CDC27: variants seen among roughly 807,000 people sequenced by gnomAD.
CDC27 encodes the protein cell division cycle 27.
In CDC27, 27 loss-of-function variants were observed where a neutral mutation model predicts 109.7. The observed-to-expected ratio is 0.25, with a 90% CI of 0.18 to 0.34. The LOEUF is 0.34. Ranked by LOEUF, CDC27 falls within the 10% of genes least tolerant of loss-of-function variation. The probability of loss-of-function intolerance (pLI) is 1.00; values close to 1 mark genes in which losing one functional copy is unlikely to be tolerated. For synonymous variants in CDC27, 266 were observed against 333.9 expected, an observed-to-expected ratio of 0.80 and a Z score of 2.22; for missense variants, 579 against 960.2, an observed-to-expected ratio of 0.60 and a Z score of 5.25.
rs576090349 is a variant in CDC27, at chr17:47,145,330, G to C, written c.1071-1348C>G. The stretch of plus-strand genomic sequence containing the variant: ...CCAGAATTTGCAAGGCAGAGCACCA[G>C]AGAGAAGAGAGCTACAAAGAGGAGA... On this transcript the variant is annotated intron_variant, in intron 9 of 18. Coordinates refer to ENST00000066544, the MANE Select transcript of CDC27 (RefSeq NM_001256.6). Among the ~76,000 whole-genome samples the C allele has an allele frequency of 2.0e-5, 3 of 152,318 alleles. No individual in the cohort carries two copies. The South Asian group carries it at 6.2e-4, about 32-fold the overall frequency.
intron 4 of CDC27, among the ~76,000 whole-genome samples, chr17:47,166,824 G>T (rs1036917820): frequency 6.6e-6 from 1 of 151,936 alleles, no homozygotes; most frequent in Non-Finnish European, 1.5e-5. Flanking sequence ...AAAATCTCCT[G>T]TGAGACTTCC....
rs545253487 is a variant in CDC27, at chr17:47,168,004, G to A, written c.377+1913C>T. Among the ~76,000 whole-genome samples the A allele has an allele frequency of 6.6e-5, 10 of 152,308 alleles. No homozygotes were observed. The East Asian group carries it at 7.7e-4, about 12-fold the overall frequency. ...GATACAGATGAAGAGTGCATAGGGCGAGGCATGGGGAAAGAGAGGTGCGGA... is the reference window on the plus strand; with the variant it reads ...GATACAGATGAAGAGTGCATAGGGCAAGGCATGGGGAAAGAGAGGTGCGGA... On this transcript the variant is annotated intron_variant, in intron 4 of 18. Transcript: ENST00000066544.
At chr17:47,182,787 G>T (rs1339547866) in intron 1 of CDC27, among the ~76,000 whole-genome samples, 1 of 151,830 alleles carries the variant, frequency 6.6e-6, no homozygotes, top group Non-Finnish European at 1.5e-5. Flanking sequence ...TATTTCTAGG[G>T]TGTTTTTTTG....
In CDC27 at chr17:47,170,006, C is replaced by T. The variant is rs1204767597; in HGVS notation, c.288G>A (p.Val96=). 5.7e-6 allele frequency: 9 copies of T among 1,581,730 alleles called. No homozygotes were observed. The highest frequency in any genetic ancestry group is 7.7e-6 in the Non-Finnish European group (9 of 1,165,080). ...AEGEQILSGG[V]FNKQKSHDDI... ...CATCATGGCTTTTCTGCTTATTAAA[C>T]ACTCCACCAGATAAGATTTGTTCCC... The change falls in exon 4 of 19, where the codon GTG becomes GTA. Residue 96 remains valine (V), a synonymous_variant. Transcript: ENST00000066544.
At chr17:47,172,181 A>G (rs2063831387) in intron 2 of CDC27, 117 bp from the exon 3 acceptor site, 4 of 586,688 alleles carry the variant, frequency 6.8e-6, no homozygotes, top group Non-Finnish European at 2.7e-6. Context: ...TTTAACACAA[A>G]ACAATCACTT....
At chr17:47,136,016 C>T (rs1266582894) in intron 14 of CDC27, among the ~76,000 whole-genome samples, 2 of 152,078 alleles carry the variant, frequency 1.3e-5, no homozygotes, top group Non-Finnish European at 2.9e-5. Context: ...GTGGCAGGCA[C>T]CTGTAGTCCC....
rs11570491 is a variant in CDC27, at chr17:47,154,850, C to T, written c.843-64G>A. On this transcript the variant is annotated intron_variant, in intron 7 of 18. Transcript: ENST00000066544. Reference sequence around the variant, plus strand: ...AAGGCATATATAAAGCAGCAGTATACTTAAATTAGAAGGTCTAAAAGGAAG... The same window carrying T: ...AAGGCATATATAAAGCAGCAGTATATTTAAATTAGAAGGTCTAAAAGGAAG... The T allele has an allele frequency of 1.9e-3, 1,412 of 763,074 alleles. 23 individuals carry two copies. The African/African-American group carries it at 0.022, about 12-fold the overall frequency. 47.3% of individuals were successfully genotyped at this position (763,074 alleles called of 1,614,324 possible).
intron 18 of CDC27, among the ~76,000 whole-genome samples, chr17:47,122,211 A>G (rs2148786432): frequency 6.6e-6 from 1 of 151,836 alleles, no homozygotes; most frequent in East Asian, 1.9e-4. Flanking sequence ...AGGTCCAGGT[A>G]AAACTTAGCA....
chr17:47,136,091 A>C (rs1008092262), intron 14 of CDC27, among the ~76,000 whole-genome samples: 3 of 152,146 alleles, frequency 2.0e-5, no homozygotes, highest in Non-Finnish European at 4.4e-5. Flanking sequence ...ACAGTGAGCC[A>C]AGATGGCGCC....
chr17:47,145,185 G>A (rs983201971), intron 9 of CDC27, among the ~76,000 whole-genome samples: 8 of 152,144 alleles, frequency 5.3e-5, no homozygotes, highest in African/African-American at 1.9e-4. Flanking sequence ...TGGACAATAG[G>A]CAAAACATTT....
chr17:47,127,496 A>C (rs2062181237), intron 16 of CDC27, among the ~76,000 whole-genome samples: 1 of 150,334 alleles, frequency 6.7e-6, no homozygotes, highest in Non-Finnish European at 1.5e-5. Context: ...TCTGCCTTCC[A>C]GTTTCAAGCG....
At chr17:47,183,797 TTA>T (rs1304138886) in intron 1 of CDC27, among the ~76,000 whole-genome samples, 2 of 152,198 alleles carry the variant, frequency 1.3e-5, no homozygotes, top group Non-Finnish European at 2.9e-5. Context: ...AAGCAGGTGC[TTA>T]TATGTTGAAT....
rs762325771 is a variant in CDC27 at position 47,151,757 on chromosome 17, G to T, written c.1070+49C>A. 62 of 1,404,230 alleles carry T rather than the reference G, an allele frequency of 4.4e-5. No individual in the cohort carries two copies. In the Admixed American group the frequency reaches 1.4e-3, roughly 31 times the overall value. The allele number at this position is 1,404,230 out of a possible 1,614,324, so 87.0% of individuals were successfully genotyped here. ...TCTGCCTAAATTAAAGAAATGTAAAGAATCAAGTTTTATGCCAAGAAAAGT... is the reference window on the plus strand; with the variant it reads ...TCTGCCTAAATTAAAGAAATGTAAATAATCAAGTTTTATGCCAAGAAAAGT... On this transcript the variant is annotated intron_variant, in intron 9 of 18. Coordinates refer to ENST00000066544, the MANE Select transcript of CDC27 (RefSeq NM_001256.6).
chr17:47,183,236 G>C (rs1488052656), intron 1 of CDC27, among the ~76,000 whole-genome samples: 3 of 151,940 alleles, frequency 2.0e-5, no homozygotes, highest in Non-Finnish European at 4.4e-5. Flanking sequence ...GATTTAAAAA[G>C]GTTACAACGG....
intron 1 of CDC27, among the ~76,000 whole-genome samples, chr17:47,183,547 T>C (rs1426550082): frequency 3.9e-5 from 6 of 152,184 alleles, no homozygotes; most frequent in African/African-American, 1.4e-4. Flanking sequence ...GTCTCAAAGA[T>C]GTCTAATTTT....
At chr17:47,149,649 C>A (rs2063094074) in intron 9 of CDC27, among the ~76,000 whole-genome samples, 1 of 151,842 alleles carries the variant, frequency 6.6e-6, no homozygotes, top group East Asian at 1.9e-4. Flanking sequence ...AAATAGACTT[C>A]TTTTTCTCAT....
chr17:47,144,302 G>C (rs183807198), intron 9 of CDC27, among the ~76,000 whole-genome samples: 1 of 152,096 alleles, frequency 6.6e-6, no homozygotes, highest in Admixed American at 6.5e-5. Context: ...CTACAAAATA[G>C]TAAAGATTAT....
chr17:47,181,570 TA>T lies in CDC27; in HGVS notation c.94del (p.Tyr32MetfsTer30). ...RDAVFLAERLYAEVHSEEALF... is the reference protein window; with the variant it reads ...RDAVFLAERLXAEVHSEEALF... ...ATGAATAGATTTCAAACCTTCTGCA[TA>T]AAGGCGTTCTGCGAGGAAAACCGCA... On this transcript the variant is annotated frameshift_variant, in exon 2 of 19. Coordinates refer to ENST00000066544, the MANE Select transcript of CDC27 (RefSeq NM_001256.6). LOFTEE classifies it high-confidence loss of function. 1 of 1,593,264 alleles carries T rather than the reference TA, an allele frequency of 6.3e-7. No individual in the cohort carries two copies. The highest frequency in any genetic ancestry group is 8.6e-7 in the Non-Finnish European group (1 of 1,161,958).
chr17:47,124,604 A>T (rs2062080036), intron 16 of CDC27, among the ~76,000 whole-genome samples: 1 of 152,124 alleles, frequency 6.6e-6, no homozygotes, highest in South Asian at 2.1e-4. Flanking sequence ...TTTTTTAACG[A>T]AAAATAACTA....
Sources: gnomAD v4.1 joint callset for allele counts (sites outside exome capture counted in the v4.1 genomes callset) on GRCh38, gnomAD v4.1.1 for gene constraint, MANE v1.5 for transcripts, NCBI Gene and HGNC (gene_info 2026-07-23, HGNC 2026-07-21) for gene names.